CUX2: variants seen among roughly 807,000 people sequenced by gnomAD.
The protein encoded by CUX2 is homeobox protein cut-like 2.
Under a neutral mutation model 144.8 loss-of-function variants are expected in CUX2, and 40 were observed. The observed-to-expected ratio is 0.28, with a 90% CI of 0.21 to 0.36. CUX2 has a LOEUF of 0.36. Ranked by LOEUF, CUX2 falls within the 10% of genes least tolerant of loss-of-function variation. The pLI, the probability that CUX2 is intolerant of heterozygous loss-of-function variation, is 1.00. For synonymous variants in CUX2, 827 were observed against 875.6 expected, an observed-to-expected ratio of 0.94 and a Z score of 0.98; for missense variants, 1,615 against 1,994.0, an observed-to-expected ratio of 0.81 and a Z score of 3.62.
intron 1 of CUX2, among the ~76,000 whole-genome samples, chr12:111,067,888 G>A (rs941502422): frequency 1.3e-5 from 2 of 152,154 alleles, no homozygotes; most frequent in African/African-American, 4.8e-5. Flanking sequence ...ACATGGCCAT[G>A]TTCGTGTCAC....
intron 3 of CUX2, among the ~76,000 whole-genome samples, chr12:111,224,860 G>A (rs1415370795): frequency 1.3e-5 from 2 of 151,992 alleles, no homozygotes. Flanking sequence ...TGTGACCTTG[G>A]GCAAGGCACA....
chr12:111,336,538 C>T (rs1888362960), intron 19 of CUX2, among the ~76,000 whole-genome samples: 1 of 151,830 alleles, frequency 6.6e-6, no homozygotes, highest in South Asian at 2.1e-4. Flanking sequence ...ACCTCCGCCT[C>T]CCAGGTTCAA....
At chr12:111,119,930 C>T (rs1022458234) in intron 1 of CUX2, among the ~76,000 whole-genome samples, 11 of 152,110 alleles carry the variant, frequency 7.2e-5, no homozygotes, top group African/African-American at 2.2e-4. Context: ...TGGTGGCACG[C>T]GCCTGTAATC....
chr12:111,219,725 A>G (rs1018953015), intron 3 of CUX2, among the ~76,000 whole-genome samples: 7 of 152,236 alleles, frequency 4.6e-5, no homozygotes, highest in Non-Finnish European at 8.8e-5. Flanking sequence ...GCGGGTGAAG[A>G]GTACAGATGC....
At chr12:111,230,889 G>A (rs1173328577) in intron 3 of CUX2, among the ~76,000 whole-genome samples, 1 of 152,194 alleles carries the variant, frequency 6.6e-6, no homozygotes, top group Non-Finnish European at 1.5e-5. Flanking sequence ...GGGCTGGGAA[G>A]AGATGTGCAG....
chr12:111,111,417 C>A (rs953957852), intron 1 of CUX2, among the ~76,000 whole-genome samples: 2 of 152,172 alleles, frequency 1.3e-5, no homozygotes, highest in Non-Finnish European at 2.9e-5. Context: ...CACTTTTACT[C>A]CTCCCCACAA....
intron 1 of CUX2, among the ~76,000 whole-genome samples, chr12:111,134,191 G>A (rs1280240590): frequency 1.3e-5 from 2 of 152,132 alleles, no homozygotes; most frequent in Admixed American, 6.5e-5. Flanking sequence ...TTTCCCCATT[G>A]TGTCCAGAGA....
chr12:111,227,569 T>C (rs1882218052), intron 3 of CUX2, among the ~76,000 whole-genome samples: 1 of 152,174 alleles, frequency 6.6e-6, no homozygotes, highest in South Asian at 2.1e-4. Context: ...CATCCCGCCT[T>C]CCCATTGGGC....
In CUX2 at chr12:111,034,785, G is replaced by A. The variant is rs1236258845; in HGVS notation, c.63+545G>A. On this transcript the variant is annotated intron_variant, in intron 1 of 21. Coordinates refer to ENST00000261726, the MANE Select transcript of CUX2 (RefSeq NM_015267.4). The surrounding 1 kb of genome is among the most constrained non-coding windows in gnomAD (Gnocchi z 4.2). ...CCGGGGTTGGCGAGGAGGCGGCTCC[G>A]CGCCCCGCCGCTCGCCGGCACCTCA... 6.7e-6 allele frequency among the ~76,000 whole-genome samples: 1 copy of A among 149,240 alleles called. No individual in the cohort carries two copies. The highest frequency in any genetic ancestry group is 2.4e-5 in the African/African-American group (1 of 41,138).
At chr12:111,076,612 G>T (rs535361763) in intron 1 of CUX2, among the ~76,000 whole-genome samples, 1 of 152,322 alleles carries the variant, frequency 6.6e-6, no homozygotes, top group East Asian at 1.9e-4. Flanking sequence ...GTAGCTCAGA[G>T]CATAGATACA....
chr12:111,166,817 G>A (rs994488192), intron 1 of CUX2, among the ~76,000 whole-genome samples: 37 of 152,292 alleles, frequency 2.4e-4, no homozygotes, highest in African/African-American at 6.5e-4. Context: ...TCTGCTTGGC[G>A]AACAGCAACC....
chr12:111,087,728 A>G (rs898258290), intron 1 of CUX2, among the ~76,000 whole-genome samples: 1 of 152,244 alleles, frequency 6.6e-6, no homozygotes, highest in African/African-American at 2.4e-5. Context: ...CAGCCCCTGC[A>G]CATAGTAGAT....
At chr12:111,127,654 A>C (rs1875178384) in intron 1 of CUX2, among the ~76,000 whole-genome samples, 1 of 152,230 alleles carries the variant, frequency 6.6e-6, no homozygotes, top group Admixed American at 6.5e-5. Context: ...CAGAGTAAGA[A>C]GCAAACATTT....
chr12:111,206,944 T>A (rs968538975), intron 1 of CUX2, among the ~76,000 whole-genome samples: 1 of 152,198 alleles, frequency 6.6e-6, no homozygotes, highest in Admixed American at 6.5e-5. Flanking sequence ...GATGTATGAT[T>A]GGATGAATGC....
rs1032657380 is a variant in CUX2, at chr12:111,310,925, C to T, written c.1900+243C>T. ...GACAGTCTGCCCTTCCTGGGGCACT[C>T]AGGGTAAGGGTGGCGGGAAAAGGCT... On this transcript the variant is annotated intron_variant, in intron 15 of 21. Coordinates refer to ENST00000261726, the MANE Select transcript of CUX2 (RefSeq NM_015267.4). This position sits in a 1 kb window ranked among gnomAD's most constrained non-coding sequence, Gnocchi z 7.9. 9.2e-5 allele frequency among the ~76,000 whole-genome samples: 14 copies of T among 152,254 alleles called. No individual in the cohort carries two copies. Among genetic ancestry groups the T allele is most frequent in the Admixed American group, 9.2e-4 (14 of 15,284 alleles).
intron 8 of CUX2, among the ~76,000 whole-genome samples, chr12:111,297,460 A>T (rs896168025): frequency 6.6e-5 from 10 of 152,018 alleles, no homozygotes; most frequent in Non-Finnish European, 1.3e-4. Context: ...TGCCACTCAC[A>T]CACCACAGCC....
At position 111,303,452 on chromosome 12, in the gene CUX2, A is replaced by G. The variant is rs367870113; in HGVS notation, c.754-758A>G. ...GGAGTTCAAGACCAGCCTGGCCAAC[A>G]TGGTGAAACCCCACCTCTACTAAAA... On this transcript the variant is annotated intron_variant, in intron 9 of 21. Transcript: ENST00000261726. Among the ~76,000 whole-genome samples the G allele has an allele frequency of 2.4e-4, 36 of 152,006 alleles. 1 individual carries two copies. Among genetic ancestry groups the G allele is most frequent in the East Asian group, 1.9e-3 (10 of 5,162 alleles).
At chr12:111,239,103 C>T (rs1274280784) in intron 3 of CUX2, among the ~76,000 whole-genome samples, 1 of 152,120 alleles carries the variant, frequency 6.6e-6, no homozygotes, top group Non-Finnish European at 1.5e-5. Flanking sequence ...GGCACAGAGA[C>T]ACTCAAACGT....
In CUX2 at chr12:111,178,832, G is replaced by A. The variant is rs1172682313; in HGVS notation, c.64-35368G>A. ...GGGGGCTTGGGGATGTCCTGTGGTG[G>A]TGATATCCCAGGGCTGAGCTGGAAG... On this transcript the variant is annotated intron_variant, in intron 1 of 21. Transcript: ENST00000261726. This position sits in a 1 kb window ranked among gnomAD's most constrained non-coding sequence, Gnocchi z 5.7. Among the ~76,000 whole-genome samples the A allele has an allele frequency of 1.3e-5, 2 of 152,158 alleles. No homozygotes were observed. Among genetic ancestry groups the A allele is most frequent in the African/African-American group, 4.8e-5 (2 of 41,440 alleles).
Sources: allele counts gnomAD v4.1 joint callset (sites outside exome capture counted in the v4.1 genomes callset), GRCh38; gene constraint gnomAD v4.1.1; non-coding constraint Gnocchi (gnomAD v3.1); transcripts MANE v1.5; gene names NCBI Gene and HGNC (gene_info 2026-07-23, HGNC 2026-07-21).